VCF1: variants seen among roughly 807,000 people sequenced by gnomAD.
VCF1 encodes VCP nuclear cofactor family member 1.
the VCF1 span, chr17:73,212,715 T>G: frequency 6.3e-7 from 1 of 1,593,056 alleles, no homozygotes; most frequent in Non-Finnish European, 8.6e-7. Context: ...TCTGTTTTCT[T>G]TACTGTTTCT....
chr17:73,225,176 T>TCTA, the VCF1 span, among the ~76,000 whole-genome samples: 2 of 152,126 alleles, frequency 1.3e-5, no homozygotes, highest in African/African-American at 4.8e-5. Context: ...AGGAAGACAA[T>TCTA]CTAGTCCTTC....
the VCF1 span, among the ~76,000 whole-genome samples, chr17:73,213,396 A>G: frequency 6.6e-6 from 1 of 152,218 alleles, no homozygotes; most frequent in Non-Finnish European, 1.5e-5. Flanking sequence ...ATGATCATAG[A>G]GACATACATA....
At chr17:73,207,714 T>C in the VCF1 span, 2 of 1,291,994 alleles carry the variant, frequency 1.5e-6, no homozygotes, top group Non-Finnish European at 1.0e-6. Flanking sequence ...CGATGCCAAC[T>C]GTTAAGCCTG....
the VCF1 span, chr17:73,227,063 G>T: frequency 6.7e-6 from 6 of 898,438 alleles, no homozygotes; most frequent in Non-Finnish European, 1.0e-5. Context: ...ATCAACTAAG[G>T]TCATTTTAAA....
chr17:73,207,568 G>A, the VCF1 span: 6 of 714,468 alleles, frequency 8.4e-6, no homozygotes, highest in Non-Finnish European at 1.1e-5. Flanking sequence ...CACTATCATT[G>A]TACTTGTTTG....
the VCF1 span, chr17:73,232,208 G>T: frequency 6.2e-7 from 1 of 1,611,072 alleles, no homozygotes; most frequent in South Asian, 1.1e-5. Context: ...CTCGGGCCTT[G>T]GCTCTCGCAG....
the VCF1 span, among the ~76,000 whole-genome samples, chr17:73,219,505 C>A: frequency 2.0e-5 from 3 of 151,282 alleles, no homozygotes; most frequent in South Asian, 6.3e-4. Flanking sequence ...AAAAAATTAG[C>A]CGGGTGTGGT....
the VCF1 span, among the ~76,000 whole-genome samples, chr17:73,213,399 CATACAT>C: frequency 6.6e-6 from 1 of 152,218 alleles, no homozygotes; most frequent in East Asian, 1.9e-4. Flanking sequence ...ATCATAGAGA[CATACAT>C]ATACTAACAT....
At chr17:73,209,177 C>A in the VCF1 span, 1 of 259,552 alleles carries the variant, frequency 3.9e-6, no homozygotes, top group Non-Finnish European at 7.3e-6. Flanking sequence ...TTTAAAAGGC[C>A]CTTTACATAA....
chr17:73,212,800 T>G, the VCF1 span: 1 of 1,299,010 alleles, frequency 7.7e-7, no homozygotes, highest in Non-Finnish European at 1.1e-6. Flanking sequence ...CATCTCAAAT[T>G]ATATCTATTT....
chr17:73,228,001 GC>G, the VCF1 span, among the ~76,000 whole-genome samples: 1 of 152,146 alleles, frequency 6.6e-6, no homozygotes, highest in Non-Finnish European at 1.5e-5. Context: ...CAGTCAAATT[GC>G]CCGGAACTGT....
chr17:73,209,747 C>T, the VCF1 span: 1 of 1,542,698 alleles, frequency 6.5e-7, no homozygotes, highest in South Asian at 1.2e-5. Flanking sequence ...CTGCTGCTCC[C>T]ACCACTGTCA....
At chr17:73,232,072 C>T in the VCF1 span, 3 of 1,589,488 alleles carry the variant, frequency 1.9e-6, no homozygotes, top group Non-Finnish European at 2.6e-6. Context: ...GAAAGGGGGT[C>T]CCTTCCCTCT....
chr17:73,232,039 C>T, the VCF1 span: 7,970 of 1,531,822 alleles, frequency 5.2e-3, 180 homozygotes, highest in South Asian at 0.048. Flanking sequence ...GGCTCTATCT[C>T]CCAGATCCTC....
the VCF1 span, among the ~76,000 whole-genome samples, chr17:73,222,035 CAA>C: frequency 0.083 from 6,702 of 80,686 alleles, 185 homozygotes; most frequent in Middle Eastern, 0.17. Flanking sequence ...GACTCTGTCT[CAA>C]AAAAAAAAAA....
chr17:73,207,922 G>C, the VCF1 span: 1 of 1,186,502 alleles, frequency 8.4e-7, no homozygotes, highest in South Asian at 1.7e-5. Context: ...TAAAAGTTGG[G>C]AGATGGTAGT....
the VCF1 span, chr17:73,232,244 C>T: frequency 4.3e-6 from 7 of 1,611,670 alleles, no homozygotes; most frequent in African/African-American, 8.0e-5. Context: ...CAGCCGGTGG[C>T]GAGTACCCCT....
chr17:73,215,116 C>T, the VCF1 span, among the ~76,000 whole-genome samples: 1 of 152,152 alleles, frequency 6.6e-6, no homozygotes, highest in African/African-American at 2.4e-5. Context: ...CCAAGAATCT[C>T]TCTCAACAAT....
the VCF1 span, among the ~76,000 whole-genome samples, chr17:73,219,959 G>A: frequency 6.7e-6 from 1 of 149,852 alleles, no homozygotes; most frequent in Non-Finnish European, 1.5e-5. Flanking sequence ...CTGGGAGACA[G>A]AGTGAGACCC....
Sources: allele counts gnomAD v4.1 joint callset (sites outside exome capture counted in the v4.1 genomes callset), GRCh38; gene constraint gnomAD v4.1.1; transcripts MANE v1.5; gene names NCBI Gene and HGNC (gene_info 2026-07-23, HGNC 2026-07-21).